CDH13: variants seen among roughly 807,000 people sequenced by gnomAD.
CDH13 encodes cadherin 13.
A neutral mutation model predicts 63.8 loss-of-function variants in CDH13; 24 were observed. The ratio of observed to expected loss-of-function variants is 0.38; its 90% CI spans 0.27 to 0.53. The LOEUF (loss-of-function observed/expected upper bound fraction) is 0.53. Ranked by LOEUF, CDH13 falls within the 20% of genes least tolerant of loss-of-function variation. The pLI, the probability that CDH13 is intolerant of heterozygous loss-of-function variation, is 0.85. For synonymous variants in CDH13, 503 were observed against 355.3 expected (o/e 1.42, Z -4.67); for missense variants, 1,049 against 903.1 (o/e 1.16, Z -2.07).
chr16:83,355,243 G>A (rs76849484), intron 6 of CDH13, among the ~76,000 whole-genome samples: 93 of 152,338 alleles, frequency 6.1e-4, no homozygotes, highest in African/African-American at 2.2e-3. Flanking sequence ...TACAGCAAGT[G>A]TGTGACAAAT....
chr16:83,220,072 C>A (rs763368364), intron 5 of CDH13, among the ~76,000 whole-genome samples: 6 of 152,198 alleles, frequency 3.9e-5, no homozygotes, highest in Non-Finnish European at 8.8e-5. Flanking sequence ...GACTGGGGCC[C>A]AGCCCTTGGC....
intron 3 of CDH13, among the ~76,000 whole-genome samples, chr16:83,108,233 A>G (rs1053281420): frequency 2.0e-5 from 3 of 152,096 alleles, no homozygotes; most frequent in African/African-American, 4.8e-5. Context: ...GCTTGTGGCA[A>G]TGGAGGAGGC....
chr16:83,216,014 T>G (rs1005585448), intron 4 of CDH13, among the ~76,000 whole-genome samples: 9 of 148,204 alleles, frequency 6.1e-5, no homozygotes, highest in Non-Finnish European at 1.3e-4. Flanking sequence ...CCCAACTGCT[T>G]CTCAGCCTAA....
chr16:83,168,396 C>T (rs774745502), intron 4 of CDH13, among the ~76,000 whole-genome samples: 9 of 151,726 alleles, frequency 5.9e-5, no homozygotes, highest in African/African-American at 1.7e-4. Flanking sequence ...CATATATTTA[C>T]GACTGTAGCC....
At chr16:83,260,036 C>A (rs915195052) in intron 5 of CDH13, among the ~76,000 whole-genome samples, 3 of 146,362 alleles carry the variant, frequency 2.0e-5, no homozygotes, top group African/African-American at 7.5e-5. Flanking sequence ...GACTTTCAAA[C>A]TTTTTGGCAG....
chr16:83,122,437 G>A (rs148032959), intron 3 of CDH13, among the ~76,000 whole-genome samples: 9 of 152,192 alleles, frequency 5.9e-5, no homozygotes, highest in African/African-American at 1.9e-4. Flanking sequence ...TATGAGTTAC[G>A]CATAGAGCAA....
intron 5 of CDH13, among the ~76,000 whole-genome samples, chr16:83,229,070 G>C (rs1437320855): frequency 1.3e-5 from 2 of 152,124 alleles, no homozygotes; most frequent in Non-Finnish European, 2.9e-5. Flanking sequence ...AGGAGGGCAG[G>C]CCATACCGGG....
At chr16:83,003,679 C>A (rs1456969168) in intron 2 of CDH13, among the ~76,000 whole-genome samples, 1 of 152,310 alleles carries the variant, frequency 6.6e-6, no homozygotes, top group Non-Finnish European at 1.5e-5. Flanking sequence ...TGAACTAAAA[C>A]TTAACTTACC....
At chr16:82,948,114 T>G (rs574741095) in intron 2 of CDH13, among the ~76,000 whole-genome samples, 3 of 152,286 alleles carry the variant, frequency 2.0e-5, no homozygotes, top group African/African-American at 7.2e-5. Context: ...AGCCGGTAAC[T>G]CTAACGTTAT....
chr16:83,685,056 C>A (rs981027285), intron 10 of CDH13, among the ~76,000 whole-genome samples: 2 of 152,172 alleles, frequency 1.3e-5, no homozygotes, highest in Non-Finnish European at 2.9e-5. Context: ...TTCATATCTG[C>A]ATTCCAGACA....
chr16:83,548,848 T>C (rs541177238), intron 7 of CDH13, among the ~76,000 whole-genome samples: 1 of 152,272 alleles, frequency 6.6e-6, no homozygotes, highest in East Asian at 1.9e-4. Flanking sequence ...CTATGATCCT[T>C]GCATTAGAAT....
At chr16:82,869,498 A>C (rs2040269979) in intron 2 of CDH13, among the ~76,000 whole-genome samples, 1 of 152,190 alleles carries the variant, frequency 6.6e-6, no homozygotes, top group Admixed American at 6.5e-5. Context: ...AAATTTATAC[A>C]GAACCCCAAA....
intron 2 of CDH13, among the ~76,000 whole-genome samples, chr16:82,949,032 A>C (rs997697187): frequency 2.0e-5 from 3 of 152,166 alleles, no homozygotes; most frequent in African/African-American, 7.2e-5. Context: ...ATCTTTGGCA[A>C]ATTACCCTGT....
intron 5 of CDH13, among the ~76,000 whole-genome samples, chr16:83,276,883 C>G (rs2089006104): frequency 6.6e-6 from 1 of 152,076 alleles, no homozygotes; most frequent in South Asian, 2.1e-4. Context: ...AAACAACAAA[C>G]AAAAGCATGT....
chr16:83,547,720 T>G (rs1201481615), intron 7 of CDH13, among the ~76,000 whole-genome samples: 3 of 152,230 alleles, frequency 2.0e-5, no homozygotes, highest in African/African-American at 7.2e-5. Context: ...TTTAGTTTGC[T>G]TCCATGTCTT....
chr16:83,527,211 A>G (rs1349310003), intron 7 of CDH13, among the ~76,000 whole-genome samples: 2 of 151,992 alleles, frequency 1.3e-5, no homozygotes, highest in Non-Finnish European at 2.9e-5. Flanking sequence ...GTGCTTTGGG[A>G]GGCTGAGGCA....
In CDH13 at chr16:83,345,000, C is replaced by T. The variant is rs765363332; in HGVS notation, c.775C>T (p.Pro259Ser). ...CATCGGCCACGTCATGGAAGGGTCA[C>T]CCACAGGTATGTCACATTGGCTTAC... Reference protein sequence around the residue: ...PYIGHVMEGSPTGTTVMRMTA... With the variant: ...PYIGHVMEGSSTGTTVMRMTA... Residue 259 changes from proline to serine, a missense_variant, in exon 6 of 14, where the codon CCC (proline) becomes TCC (serine). Pro to Ser is a moderately conservative substitution (Grantham distance 74). Coordinates refer to ENST00000567109, the MANE Select transcript of CDH13 (RefSeq NM_001257.5). The T allele has an allele frequency of 3.1e-6, 5 of 1,613,732 alleles. No homozygotes were observed. In the African/African-American group the frequency reaches 6.7e-5, roughly 22 times the overall value.
chr16:82,715,154 C>T (rs571143300), intron 1 of CDH13, among the ~76,000 whole-genome samples: 2 of 151,202 alleles, frequency 1.3e-5, no homozygotes, highest in African/African-American at 4.8e-5. Context: ...TCAGTTCATG[C>T]CCAGTTAGCA....
chr16:82,712,256 A>G (rs766048662), intron 1 of CDH13, among the ~76,000 whole-genome samples: 1 of 152,162 alleles, frequency 6.6e-6, no homozygotes, highest in Non-Finnish European at 1.5e-5. Context: ...TTTACTAATT[A>G]GTTAAAGGCT....
Sources: gnomAD v4.1 joint callset for allele counts (sites outside exome capture counted in the v4.1 genomes callset) on GRCh38, gnomAD v4.1.1 for gene constraint, MANE v1.5 for transcripts, NCBI Gene and HGNC (gene_info 2026-07-23, HGNC 2026-07-21) for gene names.